Variants in CHD7 observed in about 807,000 individuals in gnomAD.
The protein encoded by CHD7 is chromodomain helicase DNA binding protein 7, also known as ATP-dependent chromatin remodeler CHD7.
CHD7 carries 24 observed loss-of-function variants against 307.3 expected under a neutral mutation model. That is an observed-to-expected ratio of 0.08 (90% CI 0.06 to 0.11). The LOEUF (loss-of-function observed/expected upper bound fraction) is 0.11. Among genes scored for constraint, CHD7 ranks in the 10% least tolerant of loss-of-function variants. CHD7 has a pLI of 1.00. For synonymous variants in CHD7, 1,363 were observed against 1,349.9 expected, an observed-to-expected ratio of 1.01 and a Z score of -0.21; for missense variants, 3,106 against 3,727.1, an observed-to-expected ratio of 0.83 and a Z score of 4.34.
chr8:60,706,976 C>G (rs757251350), intron 1 of CHD7, among the ~76,000 whole-genome samples: 8 of 152,146 alleles, frequency 5.3e-5, no homozygotes, highest in Admixed American at 2.0e-4. Context: ...CTGCTCCCCC[C>G]ACCCCACGAC....
intron 19 of CHD7, among the ~76,000 whole-genome samples, chr8:60,839,416 C>T (rs1441320621): frequency 6.6e-6 from 1 of 152,132 alleles, no homozygotes; most frequent in Non-Finnish European, 1.5e-5. Context: ...TTTGTATGGA[C>T]TTGTTTTCAT....
chr8:60,762,610 C>T (rs1669240780), intron 2 of CHD7, among the ~76,000 whole-genome samples: 1 of 152,162 alleles, frequency 6.6e-6, no homozygotes, highest in Non-Finnish European at 1.5e-5. Flanking sequence ...GTGCTTGGTA[C>T]ATAGTAAGTT....
chr8:60,801,898 TA>T (rs1383987670), intron 6 of CHD7, among the ~76,000 whole-genome samples: 1 of 152,174 alleles, frequency 6.6e-6, no homozygotes. Flanking sequence ...ATATTATTCA[TA>T]AAAATCAAAA....
chr8:60,830,021 A>G (rs574505555), intron 14 of CHD7, among the ~76,000 whole-genome samples: 1 of 152,340 alleles, frequency 6.6e-6, no homozygotes, highest in East Asian at 1.9e-4. Context: ...CCTATGGCTT[A>G]GGACAAACAG....
rs1471711529 is a variant in CHD7 at position 60,845,322 on chromosome 8, A to G, written c.5123A>G (p.Gln1708Arg). The change falls in exon 23 of 38, where the codon CAG becomes CGG. Residue 1708 changes from glutamine (Q) to arginine (R), a missense_variant. This residue lies in a region of CHD7 where 1,030 missense variants were observed against 1,165.4 expected (regional missense o/e 0.88). Coordinates refer to ENST00000423902, the MANE Select transcript of CHD7 (RefSeq NM_017780.4). Reference protein sequence around the residue: ...VKAQSTQPVVQDADWLASCNP... With the variant: ...VKAQSTQPVVRDADWLASCNP... ...GCCCAGAGCACACAGCCGGTGGTGCAGGATGCCGACTGGCTGGCCAGCTGC... is the reference window on the plus strand; with the variant it reads ...GCCCAGAGCACACAGCCGGTGGTGCGGGATGCCGACTGGCTGGCCAGCTGC... 1 of 1,614,056 alleles carries G rather than the reference A, an allele frequency of 6.2e-7. No individual in the cohort carries two copies. The highest frequency in any genetic ancestry group is 1.3e-5 in the African/African-American group (1 of 75,058).
chr8:60,721,132 C>G (rs971076944), intron 1 of CHD7, among the ~76,000 whole-genome samples: 1 of 152,196 alleles, frequency 6.6e-6, no homozygotes, highest in African/African-American at 2.4e-5. Context: ...AATTGTGTCA[C>G]TCTCTCCCAC....
chr8:60,729,473 A>T (rs1808331794), intron 1 of CHD7, among the ~76,000 whole-genome samples: 2 of 152,214 alleles, frequency 1.3e-5, no homozygotes, highest in African/African-American at 4.8e-5. Flanking sequence ...TAGGTATAGT[A>T]TGATGCAAGT....
chr8:60,707,506 A>G (rs1364302901), intron 1 of CHD7, among the ~76,000 whole-genome samples: 1 of 152,216 alleles, frequency 6.6e-6, no homozygotes, highest in African/African-American at 2.4e-5. Flanking sequence ...TTACTAATGG[A>G]TTGGATAAAT....
chr8:60,714,316 C>T (rs971315691), intron 1 of CHD7, among the ~76,000 whole-genome samples: 1 of 151,480 alleles, frequency 6.6e-6, no homozygotes, highest in Admixed American at 6.6e-5. Flanking sequence ...ACCTCATGCC[C>T]GCCTCAGTGG....
chr8:60,781,524 G>A, intron 3 of CHD7, 94 bp downstream of exon 3: 1 of 1,409,286 alleles, frequency 7.1e-7, no homozygotes, highest in African/African-American at 1.5e-5. Context: ...GGTGGGAGGG[G>A]ACACAATGAT....
intron 2 of CHD7, among the ~76,000 whole-genome samples, chr8:60,764,653 C>T (rs1810380445): frequency 1.3e-5 from 2 of 152,186 alleles, no homozygotes; most frequent in South Asian, 4.1e-4. Flanking sequence ...CACCAGTCAA[C>T]ATTGTTGTGC....
chr8:60,789,841 A>G (rs1365126038), intron 3 of CHD7, among the ~76,000 whole-genome samples: 2 of 152,240 alleles, frequency 1.3e-5, no homozygotes, highest in African/African-American at 4.8e-5. Flanking sequence ...GCATAAAGGT[A>G]GATTGCCTAG....
intron 2 of CHD7, among the ~76,000 whole-genome samples, chr8:60,771,226 A>G (rs1473477066): frequency 6.6e-6 from 1 of 152,236 alleles, no homozygotes; most frequent in East Asian, 1.9e-4. Context: ...AAACAATTTC[A>G]GATGAGAGTT....
intron 1 of CHD7, among the ~76,000 whole-genome samples, chr8:60,685,981 T>G (rs1805868073): frequency 6.6e-6 from 1 of 152,198 alleles, no homozygotes; most frequent in Admixed American, 6.5e-5. Flanking sequence ...AATTTTGTTC[T>G]TGTGTGCATA....
intron 1 of CHD7, among the ~76,000 whole-genome samples, chr8:60,683,290 C>A (rs1292352748): frequency 1.3e-4 from 20 of 152,108 alleles, no homozygotes; most frequent in Admixed American, 1.2e-3. Flanking sequence ...GATCAATAAT[C>A]GCTTGGTTTT....
At chr8:60,725,147 G>A (rs145189244) in intron 1 of CHD7, among the ~76,000 whole-genome samples, 1,816 of 152,352 alleles carry the variant, frequency 0.012, 19 homozygotes, top group Admixed American at 0.017. Context: ...GCCTCTCAGA[G>A]CCACAGGGCT....
intron 3 of CHD7, among the ~76,000 whole-genome samples, chr8:60,789,830 T>A (rs1258940122): frequency 6.6e-6 from 1 of 152,232 alleles, no homozygotes; most frequent in Non-Finnish European, 1.5e-5. Context: ...CATGACTACT[T>A]GCATAAAGGT....
chr8:60,785,583 C>T (rs1463836561), intron 3 of CHD7, among the ~76,000 whole-genome samples: 1 of 152,150 alleles, frequency 6.6e-6, no homozygotes. Flanking sequence ...TACAGAGTAG[C>T]AACGTTTACC....
At chr8:60,828,641 G>C in intron 13 of CHD7, 22 bp from the exon 14 acceptor site, 1 of 1,586,412 alleles carries the variant, frequency 6.3e-7, no homozygotes, top group East Asian at 2.2e-5. Flanking sequence ...TTTGGTTAGT[G>C]GCTTTCCTTG....
Sources: gnomAD v4.1 joint callset for allele counts (sites outside exome capture counted in the v4.1 genomes callset) on GRCh38, gnomAD v4.1.1 for gene constraint, gnomAD v4.1.1 regional missense constraint, MANE v1.5 for transcripts, NCBI Gene and HGNC (gene_info 2026-07-23, HGNC 2026-07-21) for gene names.